Variants in ARID1B observed in about 807,000 individuals in gnomAD.
The protein encoded by ARID1B is AT-rich interaction domain 1B.
In ARID1B, 30 loss-of-function variants were observed where a neutral mutation model predicts 212.3. The observed-to-expected ratio is 0.14, with a 90% CI of 0.11 to 0.19. ARID1B has a LOEUF of 0.19. Among genes scored for constraint, ARID1B ranks in the 10% least tolerant of loss-of-function variants. ARID1B has a pLI of 1.00. For missense variants in ARID1B, 2,891 were observed against 3,204.0 expected (o/e 0.90, Z 2.36); for synonymous variants, 1,402 against 1,301.7 (o/e 1.08, Z -1.66).
intron 4 of ARID1B, among the ~76,000 whole-genome samples, chr6:156,975,445 C>T (rs924343849): frequency 3.9e-5 from 6 of 152,080 alleles, no homozygotes; most frequent in Non-Finnish European, 8.8e-5. Flanking sequence ...TATCTTTTCA[C>T]TTGCTTAAAA....
At chr6:157,062,269 T>G (rs1404733087) in intron 4 of ARID1B, among the ~76,000 whole-genome samples, 1 of 151,702 alleles carries the variant, frequency 6.6e-6, no homozygotes. Flanking sequence ...GCGCCATAGC[T>G]CACTGCAGCC....
rs2128401846 is a variant in ARID1B, at chr6:157,209,499, G to A, written c.*1608G>A. 1 of 232,964 alleles carries A rather than the reference G, an allele frequency of 4.3e-6. No homozygotes were observed. Among genetic ancestry groups the A allele is most frequent in the South Asian group, 1.8e-4 (1 of 5,522 alleles). The allele number at this position is 232,964 out of a possible 1,614,324, so 14.4% of individuals were successfully genotyped here. On this transcript the variant is annotated 3_prime_UTR_variant, in exon 20 of 20. Coordinates refer to ENST00000636930, the MANE Select transcript of ARID1B (RefSeq NM_001374828.1). ...ATTAACTCTAACGACATTGAGGTAT[G>A]ATCATTTTCAGTATTTATGGGAGGT...
At chr6:156,789,566 G>A (rs968492994) in intron 1 of ARID1B, among the ~76,000 whole-genome samples, 6 of 152,114 alleles carry the variant, frequency 3.9e-5, no homozygotes, top group Non-Finnish European at 4.4e-5. Context: ...GATGTTAGAG[G>A]GTCACTTTAT....
intron 5 of ARID1B, among the ~76,000 whole-genome samples, chr6:157,095,161 C>T (rs1263276795): frequency 1.3e-5 from 2 of 152,050 alleles, no homozygotes; most frequent in Non-Finnish European, 2.9e-5. Context: ...GGGTGGAGCC[C>T]GAGAGTTTGC....
At position 157,148,603 on chromosome 6, in the gene ARID1B, TTG is replaced by T. The variant is rs746274784; in HGVS notation, c.2762-17_2762-16del. ...ACAAGTTTAAATAAAAGGCTTTACT[TTG>T]TGTTTGCTTTTTGTTTAGGTAACTA... On this transcript the variant is annotated intron_variant, in intron 7 of 19. Transcript: ENST00000636930. This position sits in a 1 kb window ranked among gnomAD's most constrained non-coding sequence, Gnocchi z 5.6. 2.5e-6 allele frequency: 4 copies of T among 1,569,612 alleles called. No individual in the cohort carries two copies. In the Admixed American group the frequency reaches 7.4e-5, roughly 29 times the overall value.
chr6:156,916,112 T>C (rs139878266), intron 3 of ARID1B, among the ~76,000 whole-genome samples: 97 of 152,254 alleles, frequency 6.4e-4, no homozygotes, highest in African/African-American at 2.1e-3. Context: ...TTAGGATGGA[T>C]CTAGGTGATG....
chr6:156,979,684 A>G (rs891295012), intron 4 of ARID1B, among the ~76,000 whole-genome samples: 1 of 151,796 alleles, frequency 6.6e-6, no homozygotes, highest in Non-Finnish European at 1.5e-5. Context: ...CAGCCTCCTG[A>G]GGAGCTGGGA....
At chr6:156,782,698 T>C (rs6934734) in intron 1 of ARID1B, among the ~76,000 whole-genome samples, 49,323 of 152,046 alleles carry the variant, frequency 0.32, 8,901 homozygotes, top group African/African-American at 0.49. Context: ...CCAGTTAAAT[T>C]TTAGGGTGTC....
chr6:157,132,492 G>T (rs1415184195), intron 6 of ARID1B, among the ~76,000 whole-genome samples: 1 of 152,184 alleles, frequency 6.6e-6, no homozygotes, highest in East Asian at 1.9e-4. Context: ...AGGCTCTTTA[G>T]GAGCCAAGTT....
intron 4 of ARID1B, among the ~76,000 whole-genome samples, chr6:157,027,465 TAAGA>T (rs983971627): frequency 1.3e-5 from 2 of 152,252 alleles, no homozygotes; most frequent in African/African-American, 4.8e-5. Flanking sequence ...TATTTTAGGA[TAAGA>T]AAGAAGTTTT....
At chr6:157,122,477 A>G (rs1482002472) in intron 6 of ARID1B, among the ~76,000 whole-genome samples, 1 of 152,228 alleles carries the variant, frequency 6.6e-6, no homozygotes, top group East Asian at 1.9e-4. Context: ...ATCAAATTGT[A>G]TTAGAATCCA....
At chr6:156,827,920 C>G (rs1304806620) in intron 1 of ARID1B, among the ~76,000 whole-genome samples, 1 of 151,476 alleles carries the variant, frequency 6.6e-6, no homozygotes, top group Non-Finnish European at 1.5e-5. Context: ...ACTACCATGC[C>G]CAGCTGATTT....
chr6:157,189,342 G>T (rs1171259621), intron 13 of ARID1B, among the ~76,000 whole-genome samples: 1 of 152,034 alleles, frequency 6.6e-6, no homozygotes, highest in Non-Finnish European at 1.5e-5. Flanking sequence ...TTATTTTCTT[G>T]GGATAAATAC....
chr6:156,796,382 C>T (rs945374269), intron 1 of ARID1B, among the ~76,000 whole-genome samples: 1 of 148,554 alleles, frequency 6.7e-6, no homozygotes, highest in Non-Finnish European at 1.5e-5. Context: ...TGCCATGTGT[C>T]TGTAAGACTG....
intron 15 of ARID1B, chr6:157,195,609 A>T (rs1345546305): frequency 1.3e-5 from 2 of 153,962 alleles, no homozygotes; most frequent in African/African-American, 4.8e-5. Flanking sequence ...CATCGTATTC[A>T]TAGGTCCCAC....
intron 4 of ARID1B, among the ~76,000 whole-genome samples, chr6:156,958,771 A>G (rs556393865): frequency 2.6e-5 from 4 of 152,254 alleles, no homozygotes; most frequent in Non-Finnish European, 5.9e-5. Flanking sequence ...TGCTAAAAAA[A>G]AGCTCTATTA....
chr6:156,793,545 G>A (rs770875555), intron 1 of ARID1B, among the ~76,000 whole-genome samples: 4 of 151,892 alleles, frequency 2.6e-5, no homozygotes, highest in Admixed American at 2.6e-4. Flanking sequence ...TGTGTTGCCC[G>A]GGCTGGTCTT....
At chr6:157,039,422 C>T (rs1781565381) in intron 4 of ARID1B, among the ~76,000 whole-genome samples, 1 of 146,498 alleles carries the variant, frequency 6.8e-6, no homozygotes, top group South Asian at 2.1e-4. Context: ...GCTCCGCTTC[C>T]CGGGTTCACG....
chr6:156,907,481 G>A (rs1042104973), intron 3 of ARID1B, among the ~76,000 whole-genome samples: 3 of 151,916 alleles, frequency 2.0e-5, no homozygotes, highest in Non-Finnish European at 4.4e-5. Flanking sequence ...ATGATATATT[G>A]TCTTTTTTAT....
Sources: allele counts gnomAD v4.1 joint callset (sites outside exome capture counted in the v4.1 genomes callset), GRCh38; gene constraint gnomAD v4.1.1; non-coding constraint Gnocchi (gnomAD v3.1); transcripts MANE v1.5; gene names NCBI Gene and HGNC (gene_info 2026-07-23, HGNC 2026-07-21).